Variants in SMIM23 observed in about 807,000 individuals in gnomAD.
The protein encoded by SMIM23 is small integral membrane protein 23.
In SMIM23, 10 loss-of-function variants were observed where a neutral mutation model predicts 12.8. That is an observed-to-expected ratio of 0.78 (90% confidence interval 0.48 to 1.32). SMIM23 has a LOEUF of 1.32. SMIM23 is among the 40% of genes most tolerant of loss of function. The probability of loss-of-function intolerance (pLI) is 0.00; values close to 1 mark genes in which losing one functional copy is unlikely to be tolerated. For missense variants in SMIM23, 184 were observed against 198.2 expected (o/e 0.93, Z 0.43); for synonymous variants, 78 against 80.1 (o/e 0.97, Z 0.14).
chr5:171,787,250 C>T lies in SMIM23; in HGVS notation c.105+1274C>T, dbSNP rs1358516299. Among the ~76,000 whole-genome samples, 4 of 152,066 alleles carry T rather than the reference C, an allele frequency of 2.6e-5. 1 individual carries two copies. The highest frequency in any genetic ancestry group is 9.7e-5 in the African/African-American group (4 of 41,400). The stretch of plus-strand genomic sequence containing the variant: ...GGCCAGGCTGGTCTCGAACTCCTGA[C>T]CTCATGATCCACCCGCCTCCGCCTC... On this transcript the variant is annotated intron_variant, in intron 1 of 3. Coordinates refer to ENST00000523047, the MANE Select transcript of SMIM23 (RefSeq NM_001289970.2).
At chr5:171,778,919 T>G (rs1192623388), upstream of SMIM23, among the ~76,000 whole-genome samples, 2 of 152,122 alleles carry the variant, frequency 1.3e-5, no homozygotes, top group African/African-American at 4.8e-5. Context: ...CCCTGGAGTT[T>G]CAGCCTTCCC....
chr5:171,774,057 C>G, the SMIM23 span: 2 of 355,940 alleles, frequency 5.6e-6, no homozygotes, highest in Non-Finnish European at 1.1e-5. Context: ...TGTCTGATTT[C>G]TTGTCTGACA....
At chr5:171,777,340 A>G in the SMIM23 span, among the ~76,000 whole-genome samples, 3 of 152,242 alleles carry the variant, frequency 2.0e-5, no homozygotes, top group Non-Finnish European at 4.4e-5. Flanking sequence ...GCGGGTATGC[A>G]ATGAGCCATC....
upstream of SMIM23, among the ~76,000 whole-genome samples, chr5:171,781,947 C>A (rs1259632648): frequency 2.0e-5 from 3 of 152,162 alleles, no homozygotes; most frequent in Admixed American, 2.0e-4. Context: ...ATGTAAATGG[C>A]CCAATCAGCA....
intron 1 of SMIM23, among the ~76,000 whole-genome samples, chr5:171,789,036 C>T (rs1232235484): frequency 6.6e-6 from 1 of 152,240 alleles, no homozygotes; most frequent in Non-Finnish European, 1.5e-5. Context: ...GACGGGGTTT[C>T]GCCATGTTGG....
chr5:171,785,373 C>T (rs1755794828), upstream of SMIM23, among the ~76,000 whole-genome samples: 1 of 150,996 alleles, frequency 6.6e-6, no homozygotes, highest in South Asian at 2.1e-4. Flanking sequence ...TATCTCCATA[C>T]ATTTTTCAAT....
At chr5:171,782,949 G>C (rs1394546094), upstream of SMIM23, among the ~76,000 whole-genome samples, 1 of 152,184 alleles carries the variant, frequency 6.6e-6, no homozygotes, top group Non-Finnish European at 1.5e-5. Context: ...GTGCCAGTCA[G>C]AGCTCTGTAT....
chr5:171,787,434 C>G lies in SMIM23; in HGVS notation c.105+1458C>G, dbSNP rs57098878. Among the ~76,000 whole-genome samples, 20 of 152,296 alleles carry G rather than the reference C, an allele frequency of 1.3e-4. No individual in the cohort carries two copies. In the East Asian group the frequency reaches 3.9e-3, roughly 29 times the overall value. On this transcript the variant is annotated intron_variant, in intron 1 of 3. Coordinates refer to ENST00000523047, the MANE Select transcript of SMIM23 (RefSeq NM_001289970.2). Reference sequence around the variant, plus strand: ...CAAGGAAAAGGACTCAAACTCAATCCTAGTCCATGTTCCTCCCTTTGCCTC... The same window carrying G: ...CAAGGAAAAGGACTCAAACTCAATCGTAGTCCATGTTCCTCCCTTTGCCTC...
upstream of SMIM23, among the ~76,000 whole-genome samples, chr5:171,784,924 G>T (rs185299862): frequency 1.3e-5 from 2 of 152,076 alleles, no homozygotes; most frequent in East Asian, 3.9e-4. Context: ...TTTTTTTAAA[G>T]CCAATCCCCA....
chr5:171,778,447 TCACACACACACA>T (rs4041455), upstream of SMIM23, among the ~76,000 whole-genome samples: 37 of 141,640 alleles, frequency 2.6e-4, no homozygotes, highest in African/African-American at 4.9e-4. Context: ...TGGGAAAATT[TCACACACACACA>T]CACACACACA....
upstream of SMIM23, among the ~76,000 whole-genome samples, chr5:171,783,812 G>C (rs1755764932): frequency 6.6e-6 from 1 of 152,216 alleles, no homozygotes; most frequent in African/African-American, 2.4e-5. Flanking sequence ...ATCCTAAGAA[G>C]GACTAGTATC....
upstream of SMIM23, among the ~76,000 whole-genome samples, chr5:171,777,688 G>A (rs1323089404): frequency 2.0e-5 from 3 of 152,192 alleles, no homozygotes; most frequent in African/African-American, 7.2e-5. Flanking sequence ...GCCCTCCTGG[G>A]GCCGAGAGCT....
intron 1 of SMIM23, among the ~76,000 whole-genome samples, chr5:171,787,955 G>A (rs1257258002): frequency 6.6e-6 from 1 of 151,874 alleles, no homozygotes; most frequent in East Asian, 1.9e-4. Context: ...TAAGTTAATA[G>A]TAATGTAGTT....
At chr5:171,773,827 G>GAGA in the SMIM23 span, 1 of 456,308 alleles carries the variant, frequency 2.2e-6, no homozygotes, top group Non-Finnish European at 4.4e-6. Context: ...GATTGTATGA[G>GAGA]AAAGCTCCTA....
At chr5:171,790,319 C>T (rs1206656404) in intron 2 of SMIM23, 38 bp downstream of exon 2, 1 of 1,533,468 alleles carries the variant, frequency 6.5e-7, no homozygotes, top group South Asian at 1.2e-5. Context: ...GGAACCAAAT[C>T]CACATGAAGC....
chr5:171,777,351 C>A, the SMIM23 span, among the ~76,000 whole-genome samples: 1 of 152,228 alleles, frequency 6.6e-6, no homozygotes, highest in Admixed American at 6.5e-5. Flanking sequence ...ATGAGCCATC[C>A]AGGCAGCCGA....
In SMIM23 at chr5:171,790,476, T is replaced by C. The variant is rs530804266; in HGVS notation, c.158-6T>C. ...TCTTCAGAGGTGATGTTTGTGCCTG[T>C]TTCAGGAAGCAGTTGGGAGGTGTCA... On this transcript the variant is annotated splice_region_variant and splice_polypyrimidine_tract_variant and intron_variant, in intron 2 of 3. Coordinates refer to ENST00000523047, the MANE Select transcript of SMIM23 (RefSeq NM_001289970.2). 9 of 1,536,584 alleles carry C rather than the reference T, an allele frequency of 5.9e-6. No homozygotes were observed. The highest frequency in any genetic ancestry group is 1.4e-5 in the African/African-American group (1 of 73,036).
Position 171,790,762 on chromosome 5 carries a change from G to A in SMIM23, c.226-33G>A, listed in dbSNP as rs775430216. On this transcript the variant is annotated intron_variant, in intron 3 of 3. Transcript: ENST00000523047. Reference sequence around the variant, plus strand: ...GGGGAGGAGGGTCCTATCTGAGAAAGCACAGGATGCCACTTCTGTGTCTGC... The same window carrying A: ...GGGGAGGAGGGTCCTATCTGAGAAAACACAGGATGCCACTTCTGTGTCTGC... 1.6e-5 allele frequency: 24 copies of A among 1,535,264 alleles called. No individual in the cohort carries two copies. The South Asian group carries it at 2.9e-4, about 18-fold the overall frequency.
At chr5:171,789,728 A>G (rs1035024973) in intron 1 of SMIM23, among the ~76,000 whole-genome samples, 12 of 152,254 alleles carry the variant, frequency 7.9e-5, no homozygotes, top group African/African-American at 2.4e-4. Flanking sequence ...GTTATGGAAC[A>G]GGCAAAACTA....
Sources: gnomAD v4.1 joint callset for allele counts (sites outside exome capture counted in the v4.1 genomes callset) on GRCh38, gnomAD v4.1.1 for gene constraint, MANE v1.5 for transcripts, NCBI Gene and HGNC (gene_info 2026-07-23, HGNC 2026-07-21) for gene names.